SLC38A9: variants seen among roughly 807,000 people sequenced by gnomAD.
SLC38A9 encodes neutral amino acid transporter 9.
In SLC38A9, 48 loss-of-function variants were observed where a neutral mutation model predicts 62.3. The ratio of observed to expected loss-of-function variants is 0.77; its 90% CI spans 0.61 to 0.98. The LOEUF (loss-of-function observed/expected upper bound fraction) is 0.98. Among genes scored for constraint, SLC38A9 ranks in the 50% least tolerant of loss-of-function variants. The probability of loss-of-function intolerance (pLI) is 0.00; values close to 1 mark genes in which losing one functional copy is unlikely to be tolerated. For missense variants in SLC38A9, 541 were observed against 679.8 expected (o/e 0.80, Z 2.27); for synonymous variants, 204 against 227.7 (o/e 0.90, Z 0.94).
At chr5:55,643,216 T>G (rs918622742) in intron 12 of SLC38A9, among the ~76,000 whole-genome samples, 1 of 152,248 alleles carries the variant, frequency 6.6e-6, no homozygotes, top group African/African-American at 2.4e-5. Flanking sequence ...TTTACAGCTA[T>G]ACATTTCCCT....
intron 12 of SLC38A9, among the ~76,000 whole-genome samples, chr5:55,637,594 C>T (rs1397033838): frequency 6.6e-6 from 1 of 152,164 alleles, no homozygotes; most frequent in Non-Finnish European, 1.5e-5. Flanking sequence ...AGAGAGACCA[C>T]GTCTTTTTCT....
Position 55,652,533 on chromosome 5 carries a change from G to C in SLC38A9, c.948C>G (p.Ile316Met). ...TAATTCAGTGCTACTACTTACCTAG[G>C]ATATTAAATTTTGAAAAAAATGAAG... ...KSPSFFSKFNILGTVSVLYLI... is the reference protein window; with the variant it reads ...KSPSFFSKFNMLGTVSVLYLI... Residue 316 changes from isoleucine (I) to methionine (M), a missense_variant, in exon 10 of 16, where the codon ATC (isoleucine) becomes ATG (methionine). Ile to Met is a conservative substitution (Grantham distance 10). Transcript: ENST00000396865. The C allele has an allele frequency of 6.3e-7, 1 of 1,593,342 alleles. No individual in the cohort carries two copies. The highest frequency in any genetic ancestry group is 1.1e-5 in the South Asian group (1 of 88,758).
Position 55,672,381 on chromosome 5 carries a change from T to C in SLC38A9, c.246+182A>G, listed in dbSNP as rs533702462. ...CAACATAGAAACATTGTTTCAAATT[T>C]AGATAAGAATGAACTGGCCTGAGAT... On this transcript the variant is annotated intron_variant, in intron 4 of 15. Transcript: ENST00000396865. 2.7e-4 allele frequency among the ~76,000 whole-genome samples: 41 copies of C among 152,324 alleles called. No homozygotes were observed. The South Asian group carries it at 8.3e-3, about 31-fold the overall frequency.
At chr5:55,700,125 G>A (rs1756445382) in intron 2 of SLC38A9, among the ~76,000 whole-genome samples, 2 of 152,054 alleles carry the variant, frequency 1.3e-5, no homozygotes, top group South Asian at 4.2e-4. Context: ...CAGATCACTT[G>A]AGGTCAGGAA....
At chr5:55,629,694 A>G (rs1743079998) in intron 14 of SLC38A9, among the ~76,000 whole-genome samples, 1 of 151,830 alleles carries the variant, frequency 6.6e-6, no homozygotes, top group South Asian at 2.1e-4. Context: ...ATTTTCCAGA[A>G]AAATGAATTA....
intron 3 of SLC38A9, among the ~76,000 whole-genome samples, chr5:55,690,082 G>T (rs1365318534): frequency 6.6e-6 from 1 of 152,072 alleles, no homozygotes; most frequent in Non-Finnish European, 1.5e-5. Context: ...GAATTTGTAA[G>T]AATAAAAGGA....
At chr5:55,697,122 C>G (rs527829501) in intron 3 of SLC38A9, 3 of 151,594 alleles carry the variant, frequency 2.0e-5, no homozygotes, top group Non-Finnish European at 4.4e-5. Flanking sequence ...AGACGATGGG[C>G]GGCCAGGCAG....
At chr5:55,709,466 C>A (rs1378667233) in intron 2 of SLC38A9, among the ~76,000 whole-genome samples, 1 of 151,366 alleles carries the variant, frequency 6.6e-6, no homozygotes, top group East Asian at 1.9e-4. Context: ...CCTGTAATCC[C>A]AATGCTTTGG....
chr5:55,679,416 GC>G (rs1293274845), intron 3 of SLC38A9, among the ~76,000 whole-genome samples: 1 of 151,740 alleles, frequency 6.6e-6, no homozygotes, highest in Admixed American at 6.6e-5. Flanking sequence ...TAATTCTCCG[GC>G]CCATGTATTT....
chr5:55,706,925 A>G (rs542567146), intron 2 of SLC38A9, among the ~76,000 whole-genome samples: 3 of 151,314 alleles, frequency 2.0e-5, no homozygotes, highest in South Asian at 2.1e-4. Context: ...TGAGAATTTC[A>G]GGTGACAACA....
intron 9 of SLC38A9, among the ~76,000 whole-genome samples, chr5:55,653,642 GA>G (rs757152048): frequency 1.3e-4 from 19 of 151,722 alleles, no homozygotes; most frequent in Admixed American, 9.2e-4. Flanking sequence ...AGATGACTGG[GA>G]AATCAGTAAA....
chr5:55,693,161 C>T (rs921575302), intron 3 of SLC38A9: 12 of 218,560 alleles, frequency 5.5e-5, no homozygotes, highest in African/African-American at 2.8e-4. Flanking sequence ...ATCTGCCACA[C>T]CATCCCGCCT....
In SLC38A9 at chr5:55,643,214, T is replaced by C. The variant is rs1039715070; in HGVS notation, c.1167+2575A>G. Among the ~76,000 whole-genome samples the C allele has an allele frequency of 3.9e-5, 6 of 152,366 alleles. No individual in the cohort carries two copies. The East Asian group carries it at 5.8e-4, about 15-fold the overall frequency. ...CATTTTTAGTGTAGGTGTTTACAGC[T>C]ATACATTTCCCTGTAAGCACTGCTT... On this transcript the variant is annotated intron_variant, in intron 12 of 15. Transcript: ENST00000396865.
At chr5:55,707,709 G>A (rs1369710220) in intron 2 of SLC38A9, among the ~76,000 whole-genome samples, 1 of 152,162 alleles carries the variant, frequency 6.6e-6, no homozygotes, top group Non-Finnish European at 1.5e-5. Context: ...TTTAAGATTG[G>A]TTTTAATAAG....
chr5:55,667,526 C>T lies in SLC38A9; in HGVS notation c.526+1702G>A, dbSNP rs547418266. On this transcript the variant is annotated intron_variant, in intron 7 of 15. Coordinates refer to ENST00000396865, the MANE Select transcript of SLC38A9 (RefSeq NM_173514.4). ...TATGTTGGATTTCTTAATAATGAAA[C>T]ATCCTTGCATTACTGGAATAAACCT... Among the ~76,000 whole-genome samples, 3 of 150,400 alleles carry T rather than the reference C, an allele frequency of 2.0e-5. No homozygotes were observed. In the Admixed American group the frequency reaches 2.0e-4, roughly 10 times the overall value.
intron 3 of SLC38A9, among the ~76,000 whole-genome samples, chr5:55,679,622 A>G (rs11744558): frequency 0.65 from 97,658 of 151,144 alleles, 31,778 homozygotes; most frequent in South Asian, 0.73. Flanking sequence ...AATAGCAGCA[A>G]CACTGGAATG....
chr5:55,681,575 G>A (rs1194254900), intron 3 of SLC38A9, among the ~76,000 whole-genome samples: 1 of 152,196 alleles, frequency 6.6e-6, no homozygotes, highest in Non-Finnish European at 1.5e-5. Context: ...GCTGGAGACT[G>A]TTTTGCTGTT....
intron 8 of SLC38A9, among the ~76,000 whole-genome samples, chr5:55,663,325 A>C (rs1749938489): frequency 6.7e-6 from 1 of 148,998 alleles, no homozygotes; most frequent in South Asian, 2.1e-4. Context: ...AAAAAAAAGG[A>C]GATCTAATAA....
chr5:55,683,918 T>C (rs1240337796), intron 3 of SLC38A9, among the ~76,000 whole-genome samples: 3 of 152,210 alleles, frequency 2.0e-5, no homozygotes, highest in Non-Finnish European at 4.4e-5. Flanking sequence ...GTATACTCAA[T>C]GGTAGCAGAT....
Sources: gnomAD v4.1 joint callset for allele counts (sites outside exome capture counted in the v4.1 genomes callset) on GRCh38, gnomAD v4.1.1 for gene constraint, MANE v1.5 for transcripts, NCBI Gene and HGNC (gene_info 2026-07-23, HGNC 2026-07-21) for gene names.